Variants in CCDC88C observed in about 807,000 individuals in gnomAD.
CCDC88C encodes protein Daple.
CCDC88C carries 131 observed loss-of-function variants against 198.8 expected under a neutral mutation model. That is an observed-to-expected ratio of 0.66 (90% CI 0.57 to 0.76). The LOEUF is 0.76. CCDC88C is among the 30% of genes least tolerant of loss of function. CCDC88C has a pLI of 0.00. For synonymous variants in CCDC88C, 1,166 were observed against 1,114.7 expected, an observed-to-expected ratio of 1.05 and a Z score of -0.92; for missense variants, 2,553 against 2,631.6, an observed-to-expected ratio of 0.97 and a Z score of 0.65.
At chr14:91,290,043 G>T (rs1351069203) in intron 24 of CCDC88C, among the ~76,000 whole-genome samples, 2 of 152,168 alleles carry the variant, frequency 1.3e-5, no homozygotes, top group African/African-American at 4.8e-5. Context: ...GGCCGAGGTG[G>T]GTGGATCAAC....
chr14:91,336,462 G>A (rs1893046754), intron 10 of CCDC88C, among the ~76,000 whole-genome samples: 1 of 152,136 alleles, frequency 6.6e-6, no homozygotes, highest in South Asian at 2.1e-4. Context: ...CTATGTGCAG[G>A]AGGAGCTGCT....
chr14:91,401,417 C>T (rs144695367), intron 3 of CCDC88C, among the ~76,000 whole-genome samples: 3,050 of 150,778 alleles, frequency 0.02, 42 homozygotes, highest in Non-Finnish European at 0.031. Context: ...TCACCGCAAC[C>T]TCTGCCTCCC....
chr14:91,417,702 G>T lies in CCDC88C; in HGVS notation c.-12C>A. ...ACTGTCACGTCCATGCTGAGGCTGC[G>T]CCCGCCGGCTCCGCGCCCCCCGCCC... On this transcript the variant is annotated 5_prime_UTR_variant, in exon 1 of 30. Coordinates refer to ENST00000389857, the MANE Select transcript of CCDC88C (RefSeq NM_001080414.4). The T allele has an allele frequency of 6.7e-7, 1 of 1,499,256 alleles. No individual in the cohort carries two copies. Among genetic ancestry groups the T allele is most frequent in the South Asian group, 1.3e-5 (1 of 79,864 alleles). 92.9% of individuals were successfully genotyped at this position (1,499,256 alleles called of 1,614,324 possible).
rs1891187750 is a variant in CCDC88C at position 91,299,830 on chromosome 14, C to T, written c.3779+97G>A. On this transcript the variant is annotated intron_variant, in intron 21 of 29. Transcript: ENST00000389857. Reference sequence around the variant, plus strand: ...ACAGCAAGGGATAAAAATCCACGATCGCCAGGGGACTTGAACTTCTCAGTG... The same window carrying T: ...ACAGCAAGGGATAAAAATCCACGATTGCCAGGGGACTTGAACTTCTCAGTG... 1.9e-5 allele frequency: 26 copies of T among 1,393,748 alleles called. 1 individual carries two copies. The South Asian group carries it at 2.7e-4, about 14-fold the overall frequency. The allele number at this position is 1,393,748 out of a possible 1,614,324, so 86.3% of individuals were successfully genotyped here.
chr14:91,391,193 A>T (rs1567117483), intron 3 of CCDC88C, among the ~76,000 whole-genome samples: 1 of 151,346 alleles, frequency 6.6e-6, no homozygotes, highest in Non-Finnish European at 1.5e-5. Flanking sequence ...TGCAGAACAC[A>T]GTTCTTTTAG....
In CCDC88C at chr14:91,371,585, C is replaced by T. The variant is rs2139928978; in HGVS notation, c.271-11874G>A. On this transcript the variant is annotated intron_variant, in intron 3 of 29. Coordinates refer to ENST00000389857, the MANE Select transcript of CCDC88C (RefSeq NM_001080414.4). The surrounding 1 kb of genome is among the most constrained non-coding windows in gnomAD (Gnocchi z 4.2). ...AGACTGGGACCAAGACTGCCTCCCA[C>T]ACCCTCCAGTCAGGGGTGGCTCTAG... Among the ~76,000 whole-genome samples, 1 of 152,294 alleles carries T rather than the reference C, an allele frequency of 6.6e-6. No homozygotes were observed. The highest frequency in any genetic ancestry group is 2.1e-4 in the South Asian group (1 of 4,828).
rs557491614 is a variant in CCDC88C, at chr14:91,271,744, G to A, written c.*881C>T. On this transcript the variant is annotated 3_prime_UTR_variant, in exon 30 of 30. Transcript: ENST00000389857. ...AGAAATAAATCAACACCCCGAGACC[G>A]GGGATGTCGGGTGCCGCAGCCAGGT... is the stretch of plus-strand genomic sequence containing the variant. 6 of 152,644 alleles carry A rather than the reference G, an allele frequency of 3.9e-5. No individual in the cohort carries two copies. Among genetic ancestry groups the A allele is most frequent in the East Asian group, 1.9e-4 (1 of 5,186 alleles). 9.5% of individuals were successfully genotyped at this position (152,644 alleles called of 1,614,324 possible).
intron 10 of CCDC88C, among the ~76,000 whole-genome samples, chr14:91,337,514 T>A (rs1893099565): frequency 6.6e-6 from 1 of 152,216 alleles, no homozygotes; most frequent in Admixed American, 6.5e-5. Context: ...TAAATTTTTT[T>A]ATTTTTTGTA....
chr14:91,357,970 T>C (rs1455297149), intron 4 of CCDC88C, among the ~76,000 whole-genome samples: 1 of 152,042 alleles, frequency 6.6e-6, no homozygotes, highest in Non-Finnish European at 1.5e-5. Flanking sequence ...GGACCAGGGG[T>C]GGCCTCTGCA....
intron 3 of CCDC88C, among the ~76,000 whole-genome samples, chr14:91,365,407 T>C (rs1345956219): frequency 6.6e-6 from 1 of 152,200 alleles, no homozygotes; most frequent in Non-Finnish European, 1.5e-5. Context: ...CACATGACCC[T>C]GTATGGCTCC....
chr14:91,305,697 G>T, intron 19 of CCDC88C, 68 bp downstream of exon 19: 2 of 1,487,566 alleles, frequency 1.3e-6, no homozygotes, highest in Non-Finnish European at 1.8e-6. Flanking sequence ...GCCCCCAGTT[G>T]GTCCCCAGGA....
chr14:91,285,904 C>T (rs1890386595), intron 25 of CCDC88C: 1 of 918,166 alleles, frequency 1.1e-6, no homozygotes, highest in Admixed American at 3.1e-5. Flanking sequence ...ATGAAATGAA[C>T]AATAATGACA....
intron 10 of CCDC88C, among the ~76,000 whole-genome samples, chr14:91,332,497 C>A (rs555253648): frequency 6.6e-6 from 1 of 152,296 alleles, no homozygotes; most frequent in South Asian, 2.1e-4. Context: ...CAAAATTAAT[C>A]TGCCCTTGCC....
At chr14:91,289,891 G>T (rs1015339287) in intron 24 of CCDC88C, among the ~76,000 whole-genome samples, 6 of 152,210 alleles carry the variant, frequency 3.9e-5, no homozygotes, top group Non-Finnish European at 4.4e-5. Context: ...CTCTCACCCC[G>T]TCTCTGAAAC....
intron 3 of CCDC88C, among the ~76,000 whole-genome samples, chr14:91,404,944 G>A (rs571732522): frequency 5.5e-4 from 81 of 146,696 alleles, no homozygotes; most frequent in Non-Finnish European, 9.8e-4. Flanking sequence ...CAGGCTGGGC[G>A]ACAGAGCGAG....
At position 91,339,838 on chromosome 14, in the gene CCDC88C, C is replaced by T. The variant is rs1250149403; in HGVS notation, c.624+46G>A. ...ATGAAGGGAGAGGAGATGAAGGGGC[C>T]TAAGCCCCTTCCCAGGCTGACCGGG... is the stretch of plus-strand genomic sequence containing the variant. On this transcript the variant is annotated intron_variant, in intron 7 of 29. Transcript: ENST00000389857. This position sits in a 1 kb window ranked among gnomAD's most constrained non-coding sequence, Gnocchi z 5.8. 4 of 1,537,118 alleles carry T rather than the reference C, an allele frequency of 2.6e-6. No individual in the cohort carries two copies. Among genetic ancestry groups the T allele is most frequent in the Non-Finnish European group, 3.5e-6 (4 of 1,139,398 alleles).
At chr14:91,290,496 G>A (rs1282350511) in intron 24 of CCDC88C, among the ~76,000 whole-genome samples, 3 of 152,236 alleles carry the variant, frequency 2.0e-5, no homozygotes, top group Non-Finnish European at 4.4e-5. Context: ...CTTGGGGAGA[G>A]CTGCTGCTCT....
intron 2 of CCDC88C, among the ~76,000 whole-genome samples, chr14:91,411,109 G>A (rs989716530): frequency 1.3e-5 from 2 of 152,068 alleles, no homozygotes; most frequent in African/African-American, 2.4e-5. Flanking sequence ...TGATTATTAC[G>A]ACTCCCTCCT....
chr14:91,374,891 A>G (rs1012239794), intron 3 of CCDC88C, among the ~76,000 whole-genome samples: 3 of 152,098 alleles, frequency 2.0e-5, no homozygotes, highest in African/African-American at 7.2e-5. Flanking sequence ...GGGCTCAGAG[A>G]CAAAGAGGGC....
Sources: allele counts gnomAD v4.1 joint callset (sites outside exome capture counted in the v4.1 genomes callset), GRCh38; gene constraint gnomAD v4.1.1; non-coding constraint Gnocchi (gnomAD v3.1); transcripts MANE v1.5; gene names NCBI Gene and HGNC (gene_info 2026-07-23, HGNC 2026-07-21).